Variants in POF1B observed in about 807,000 individuals in gnomAD.
The protein encoded by POF1B is POF1B actin binding protein, also known as protein POF1B.
A neutral mutation model predicts 55.3 loss-of-function variants in POF1B; 53 were observed. The ratio of observed to expected loss-of-function variants is 0.96; its 90% confidence interval spans 0.77 to 1.20. POF1B has a LOEUF of 1.20. POF1B is among the 50% of genes most tolerant of loss of function. POF1B has a pLI of 0.00. For missense variants in POF1B, 478 were observed against 420.5 expected, an observed-to-expected ratio of 1.14 and a Z score of -1.20; for synonymous variants, 188 against 148.3, an observed-to-expected ratio of 1.27 and a Z score of -1.95.
At chrX:85,294,971 G>T (rs1332043254) in intron 15 of POF1B, among the ~76,000 whole-genome samples, 2 of 111,496 alleles carry the variant, frequency 1.8e-5, no homozygotes, top group African/African-American at 3.3e-5. Context: ...GTGTTTTTAT[G>T]AATTTATCCA....
chrX:85,323,211 A>G (rs1285993697), intron 7 of POF1B, among the ~76,000 whole-genome samples: 3 of 111,748 alleles, frequency 2.7e-5, no homozygotes, highest in African/African-American at 9.8e-5. Flanking sequence ...TCCAACAATG[A>G]TAGATTGGAT....
intron 7 of POF1B, among the ~76,000 whole-genome samples, chrX:85,318,937 G>A (rs758752345): frequency 4.3e-4 from 48 of 111,508 alleles, no homozygotes; most frequent in South Asian, 1.1e-3. Context: ...GAATAGCATC[G>A]AATCTGTAAA....
chrX:85,378,834 G>T (rs1183222874), intron 2 of POF1B, among the ~76,000 whole-genome samples: 2 of 112,354 alleles, frequency 1.8e-5, no homozygotes, highest in Non-Finnish European at 3.8e-5. Context: ...GTAGGAACTT[G>T]TTCTAATAAA....
At chrX:85,376,597 C>A (rs1361052843) in intron 2 of POF1B, among the ~76,000 whole-genome samples, 2 of 110,333 alleles carry the variant, frequency 1.8e-5, no homozygotes, top group African/African-American at 6.6e-5. Flanking sequence ...AAATAATAAC[C>A]AAAAAACATA....
intron 15 of POF1B, among the ~76,000 whole-genome samples, chrX:85,300,337 C>T (rs759491489): frequency 8.9e-6 from 1 of 111,825 alleles, no homozygotes; most frequent in African/African-American, 3.3e-5. Context: ...CCTACCAGAA[C>T]ATTGAAGAGG....
At chrX:85,284,065 C>A (rs1931976514) in intron 15 of POF1B, among the ~76,000 whole-genome samples, 1 of 110,850 alleles carries the variant, frequency 9.0e-6, no homozygotes, top group Non-Finnish European at 1.9e-5. Flanking sequence ...ACAATTGCTT[C>A]AAAGAGAATA....
chrX:85,350,181 C>T (rs1170180992), intron 5 of POF1B, among the ~76,000 whole-genome samples: 1 of 109,172 alleles, frequency 9.2e-6, no homozygotes, highest in African/African-American at 3.3e-5. Flanking sequence ...TATCCCTCCC[C>T]CGTCCCCCCA....
At chrX:85,310,977 T>C (rs748293815) in intron 9 of POF1B, among the ~76,000 whole-genome samples, 1 of 111,832 alleles carries the variant, frequency 8.9e-6, no homozygotes, top group African/African-American at 3.2e-5. Flanking sequence ...CTGTAAATTC[T>C]ATATGCAGTG....
intron 3 of POF1B, 89 bp from the exon 4 acceptor site, chrX:85,359,719 T>C: frequency 5.0e-6 from 3 of 595,677 alleles, no homozygotes; most frequent in Non-Finnish European, 7.9e-6. Context: ...TTTCCAGGGT[T>C]AAATTTTTAG....
chrX:85,327,577 A>T (rs1932911483), intron 7 of POF1B, among the ~76,000 whole-genome samples: 1 of 112,090 alleles, frequency 8.9e-6, no homozygotes, highest in Admixed American at 9.5e-5. Context: ...TGCCCAAAAT[A>T]GAATTTATAG....
intron 16 of POF1B, among the ~76,000 whole-genome samples, chrX:85,281,757 A>G (rs1282394781): frequency 9.2e-6 from 1 of 108,507 alleles, no homozygotes; most frequent in South Asian, 3.9e-4. Flanking sequence ...AATCCACAGG[A>G]ATAAGTACCA....
At chrX:85,349,374 C>T (rs987896893) in intron 5 of POF1B, among the ~76,000 whole-genome samples, 1 of 111,070 alleles carries the variant, frequency 9.0e-6, no homozygotes, top group Non-Finnish European at 1.9e-5. Context: ...ATTTTGTCAT[C>T]GCAACTGATT....
At chrX:85,315,798 G>T in intron 7 of POF1B, 64 bp from the exon 8 acceptor site, 1 of 857,586 alleles carries the variant, frequency 1.2e-6, no homozygotes, top group Non-Finnish European at 1.6e-6. Context: ...ATATATAAAT[G>T]CTAGTTTTCT....
chrX:85,328,844 AC>A (rs1317923367), intron 7 of POF1B, among the ~76,000 whole-genome samples: 9 of 108,684 alleles, frequency 8.3e-5, no homozygotes, highest in East Asian at 2.8e-4. Flanking sequence ...AAAAAAAAAA[AC>A]AAAACAAACA....
At chrX:85,367,670 T>C (rs1933749465) in intron 3 of POF1B, 22 bp downstream of exon 3, 2 of 1,086,938 alleles carry the variant, frequency 1.8e-6, no homozygotes, top group Admixed American at 2.3e-5. Context: ...ACAAATCTAA[T>C]GTAATTCACA....
intron 7 of POF1B, among the ~76,000 whole-genome samples, chrX:85,320,680 T>C (rs1313182697): frequency 4.5e-5 from 5 of 110,409 alleles, no homozygotes; most frequent in African/African-American, 1.6e-4. Context: ...ATCAGCAAAA[T>C]TGATAGACCG....
chrX:85,360,291 C>G (rs1384329168), intron 3 of POF1B, among the ~76,000 whole-genome samples: 1 of 106,540 alleles, frequency 9.4e-6, no homozygotes, highest in Non-Finnish European at 1.9e-5. Context: ...GTTATTTTTA[C>G]TAATCCTCTC....
intron 7 of POF1B, among the ~76,000 whole-genome samples, chrX:85,326,273 G>A (rs910011707): frequency 8.2e-5 from 9 of 109,944 alleles, no homozygotes; most frequent in African/African-American, 1.3e-4. Flanking sequence ...GTGGCAGCAT[G>A]GTGGTGGCGG....
At chrX:85,316,104 C>A (rs536866295) in intron 7 of POF1B, among the ~76,000 whole-genome samples, 2 of 111,129 alleles carry the variant, frequency 1.8e-5, no homozygotes, top group South Asian at 7.5e-4. Flanking sequence ...TCTCTATTTC[C>A]ACCTTCATTT....
Sources: allele counts gnomAD v4.1 joint callset (sites outside exome capture counted in the v4.1 genomes callset), GRCh38; gene constraint gnomAD v4.1.1; transcripts MANE v1.5; gene names NCBI Gene and HGNC (gene_info 2026-07-23, HGNC 2026-07-21).